The following NAALADL2 variants were observed in gnomAD, a reference collection of about 807,000 sequenced individuals.
NAALADL2 encodes the protein inactive N-acetylated-alpha-linked acidic dipeptidase-like protein 2.
A neutral mutation model predicts 87.2 loss-of-function variants in NAALADL2; 76 were observed. The observed-to-expected ratio is 0.87, with a 90% CI of 0.72 to 1.05. NAALADL2 has a LOEUF of 1.05. Among genes scored for constraint, NAALADL2 ranks in the 50% least tolerant of loss-of-function variants. NAALADL2 has a pLI of 0.00. For missense variants in NAALADL2, 1,089 were observed against 945.8 expected, an observed-to-expected ratio of 1.15 and a Z score of -1.99; for synonymous variants, 354 against 331.0, an observed-to-expected ratio of 1.07 and a Z score of -0.75.
chr3:175,591,951 G>A (rs922822540), intron 10 of NAALADL2, among the ~76,000 whole-genome samples: 13 of 151,762 alleles, frequency 8.6e-5, no homozygotes, highest in Non-Finnish European at 1.6e-4. Context: ...TAAAATCTGA[G>A]GCTGTAGCTA....
At chr3:174,851,673 A>T (rs1725284337) in intron 3 of NAALADL2, among the ~76,000 whole-genome samples, 1 of 152,094 alleles carries the variant, frequency 6.6e-6, no homozygotes, top group African/African-American at 2.4e-5. Flanking sequence ...TTCACTGGAG[A>T]ATCCTACTCA....
At chr3:174,470,248 A>C (rs763849030) in intron 1 of NAALADL2, among the ~76,000 whole-genome samples, 3 of 152,130 alleles carry the variant, frequency 2.0e-5, no homozygotes, top group Non-Finnish European at 2.9e-5. Flanking sequence ...TTTGATGATT[A>C]GTGATATGGA....
chr3:175,771,037 A>G (rs1749415858), intron 13 of NAALADL2, among the ~76,000 whole-genome samples: 1 of 152,226 alleles, frequency 6.6e-6, no homozygotes, highest in South Asian at 2.1e-4. Flanking sequence ...CATTTCAGAC[A>G]TAGAGAGTTA....
chr3:174,661,144 G>T (rs916663961), intron 2 of NAALADL2, among the ~76,000 whole-genome samples: 1 of 152,064 alleles, frequency 6.6e-6, no homozygotes, highest in African/African-American at 2.4e-5. Flanking sequence ...ATTGGAATAC[G>T]CCTGTAATAT....
intron 1 of NAALADL2, among the ~76,000 whole-genome samples, chr3:174,993,127 A>T (rs1469355706): frequency 1.3e-5 from 2 of 152,120 alleles, no homozygotes; most frequent in African/African-American, 4.8e-5. Flanking sequence ...GAGTTCAAAC[A>T]AACTTATTTT....
chr3:175,488,204 C>G (rs1727580887), intron 9 of NAALADL2, among the ~76,000 whole-genome samples: 1 of 152,146 alleles, frequency 6.6e-6, no homozygotes, highest in African/African-American at 2.4e-5. Context: ...TCTTGTTATT[C>G]TTTCAAAAGA....
chr3:175,751,630 G>C (rs9861634), intron 12 of NAALADL2, among the ~76,000 whole-genome samples: 21,473 of 152,060 alleles, frequency 0.14, 1,633 homozygotes, highest in Middle Eastern at 0.18. Context: ...AAACCATACT[G>C]TAATCTATCT....
chr3:175,535,780 T>A (rs1341678088), intron 9 of NAALADL2, among the ~76,000 whole-genome samples: 1 of 152,180 alleles, frequency 6.6e-6, no homozygotes, highest in African/African-American at 2.4e-5. Context: ...GATAATAAAT[T>A]TTTTGTGTTT....
At chr3:175,433,333 G>A (rs572027841) in intron 5 of NAALADL2, among the ~76,000 whole-genome samples, 2 of 152,060 alleles carry the variant, frequency 1.3e-5, no homozygotes, top group African/African-American at 4.8e-5. Context: ...ATTGGGTTGT[G>A]AAGAAGATTA....
chr3:175,496,157 G>A (rs1204813877), intron 9 of NAALADL2, among the ~76,000 whole-genome samples: 2 of 152,204 alleles, frequency 1.3e-5, no homozygotes, highest in South Asian at 2.1e-4. Context: ...AAGATACAAT[G>A]TATTTAGATC....
At chr3:174,590,330 G>A (rs1435812798) in intron 2 of NAALADL2, among the ~76,000 whole-genome samples, 3 of 151,646 alleles carry the variant, frequency 2.0e-5, no homozygotes, top group Non-Finnish European at 4.4e-5. Flanking sequence ...TTTTATCCTG[G>A]TATTTAAAAT....
intron 3 of NAALADL2, among the ~76,000 whole-genome samples, chr3:175,237,358 G>T (rs780802346): frequency 1.3e-5 from 2 of 152,032 alleles, no homozygotes; most frequent in Non-Finnish European, 2.9e-5. Flanking sequence ...GTCATTGTTT[G>T]TGGAGGCTAA....
At chr3:174,633,373 T>G (rs1383787118) in intron 2 of NAALADL2, among the ~76,000 whole-genome samples, 1 of 152,230 alleles carries the variant, frequency 6.6e-6, no homozygotes, top group Non-Finnish European at 1.5e-5. Context: ...CTTAAAGCTT[T>G]GTTTTACCTT....
intron 1 of NAALADL2, among the ~76,000 whole-genome samples, chr3:175,050,071 A>G (rs1755175432): frequency 1.3e-5 from 2 of 152,038 alleles, no homozygotes. Context: ...ATTGGTGTGT[A>G]TAAATGGTCC....
chr3:174,604,849 A>G (rs1348979279), intron 2 of NAALADL2, among the ~76,000 whole-genome samples: 1 of 149,746 alleles, frequency 6.7e-6, no homozygotes, highest in Non-Finnish European at 1.5e-5. Flanking sequence ...GCTCACCACA[A>G]CCTCCATCTC....
chr3:175,788,702 C>T lies in NAALADL2; in HGVS notation c.2190-14303C>T, dbSNP rs564780957. On this transcript the variant is annotated intron_variant, in intron 13 of 13. Transcript: ENST00000454872. ...TATATGACTGTAGTTTAATTTTAAG[C>T]GCTAGCCATTAGTACTAGTAGTCAT... 2.7e-4 allele frequency among the ~76,000 whole-genome samples: 41 copies of T among 152,100 alleles called. 2 individuals carry two copies. The South Asian group carries it at 6.6e-3, about 25-fold the overall frequency.
chr3:175,314,072 CAA>C (rs10678475), intron 4 of NAALADL2, among the ~76,000 whole-genome samples: 9 of 79,816 alleles, frequency 1.1e-4, no homozygotes, highest in African/African-American at 1.7e-4. Context: ...GACTCCATCT[CAA>C]AAAAAAAAAA....
rs1461261 is a variant in NAALADL2, at chr3:175,125,710, G to A, written c.545+28419G>A. 1.1e-4 allele frequency among the ~76,000 whole-genome samples: 17 copies of A among 151,908 alleles called. No homozygotes were observed. The East Asian group carries it at 2.3e-3, about 21-fold the overall frequency. On this transcript the variant is annotated intron_variant, in intron 2 of 13. Transcript: ENST00000454872. The stretch of plus-strand genomic sequence containing the variant: ...AGAATAGAAGCTGGTATCTGGAACC[G>A]AACAGGTTCGAGAAGCCTACTAGAC...
chr3:175,492,385 A>T (rs1313745186), intron 9 of NAALADL2, among the ~76,000 whole-genome samples: 2 of 152,146 alleles, frequency 1.3e-5, no homozygotes, highest in African/African-American at 2.4e-5. Context: ...CTGCATTCCC[A>T]CTTTTATCAT....
Sources: allele counts gnomAD v4.1 joint callset (sites outside exome capture counted in the v4.1 genomes callset), GRCh38; gene constraint gnomAD v4.1.1; transcripts MANE v1.5; gene names NCBI Gene and HGNC (gene_info 2026-07-23, HGNC 2026-07-21).